MYH11: variants seen among roughly 807,000 people sequenced by gnomAD.
MYH11 encodes myosin heavy chain 11.
MYH11 carries 80 observed loss-of-function variants against 246.6 expected under a neutral mutation model. The observed-to-expected ratio is 0.32, with a 90% CI of 0.27 to 0.39. The LOEUF is 0.39. Among genes scored for constraint, MYH11 ranks in the 10% least tolerant of loss-of-function variants. MYH11 has a pLI of 1.00. For missense variants in MYH11, 2,158 were observed against 2,546.8 expected (o/e 0.85, Z 3.29); for synonymous variants, 1,071 against 1,015.5 (o/e 1.05, Z -1.04).
intron 40 of MYH11, among the ~76,000 whole-genome samples, chr16:15,704,829 G>A (rs1035211231): frequency 1.3e-5 from 2 of 152,210 alleles, no homozygotes; most frequent in South Asian, 2.1e-4. Flanking sequence ...GAAATTATAC[G>A]TGTTAATCCA....
At chr16:15,752,128 T>C (rs2041589488) in intron 15 of MYH11, among the ~76,000 whole-genome samples, 1 of 151,748 alleles carries the variant, frequency 6.6e-6, no homozygotes, top group East Asian at 2.0e-4. Flanking sequence ...GAGAGTCTCA[T>C]CTCTCCCACA....
chr16:15,816,939 C>T (rs765961172), intron 3 of MYH11, among the ~76,000 whole-genome samples: 18 of 152,104 alleles, frequency 1.2e-4, no homozygotes, highest in Admixed American at 2.6e-4. Flanking sequence ...AAAAAGGGAA[C>T]AAGGAATTCC....
chr16:15,841,537 A>G (rs766593697), intron 1 of MYH11, among the ~76,000 whole-genome samples: 2 of 152,224 alleles, frequency 1.3e-5, no homozygotes, highest in Non-Finnish European at 2.9e-5. Context: ...GGGTAACTAA[A>G]TTAAGAAGGG....
intron 24 of MYH11, 112 bp downstream of exon 24, chr16:15,738,453 C>T (rs2041183992): frequency 9.7e-7 from 1 of 1,029,436 alleles, no homozygotes; most frequent in Non-Finnish European, 1.4e-6. Flanking sequence ...TTTCGGGCTG[C>T]AGTGAGCCAT....
chr16:15,739,397 G>A (rs914713177), intron 23 of MYH11, among the ~76,000 whole-genome samples: 1 of 152,204 alleles, frequency 6.6e-6, no homozygotes, highest in Non-Finnish European at 1.5e-5. Flanking sequence ...CACCGCACCC[G>A]GCCTGCCGCA....
At chr16:15,823,533 C>T in intron 2 of MYH11, 122 bp from the exon 3 acceptor site, 1 of 1,193,460 alleles carries the variant, frequency 8.4e-7, no homozygotes, top group Non-Finnish European at 1.2e-6. Flanking sequence ...AGTGGAAACC[C>T]TGGGCCTCAC....
intron 3 of MYH11, among the ~76,000 whole-genome samples, chr16:15,805,156 A>G (rs2042980923): frequency 6.6e-6 from 1 of 152,152 alleles, no homozygotes; most frequent in Non-Finnish European, 1.5e-5. Context: ...ACCGTGGTGC[A>G]TGTTGTACAC....
At chr16:15,853,918 C>CA (rs2044393595) in intron 1 of MYH11, among the ~76,000 whole-genome samples, 1 of 152,122 alleles carries the variant, frequency 6.6e-6, no homozygotes, top group African/African-American at 2.4e-5. Context: ...CAGCTACTCT[C>CA]TACTCAGGAG....
Position 15,756,251 on chromosome 16 carries a change from C to T in MYH11, c.1749+90G>A, listed in dbSNP as rs746771926. 9.9e-5 allele frequency: 143 copies of T among 1,450,020 alleles called. 1 individual carries two copies. Among genetic ancestry groups the T allele is most frequent in the Non-Finnish European group, 1.1e-4 (117 of 1,048,862 alleles). 89.8% of individuals were successfully genotyped at this position (1,450,020 alleles called of 1,614,324 possible). A position where few individuals can be genotyped will look rare whatever the true frequency, so the allele number is the denominator to read the frequency against. On this transcript the variant is annotated intron_variant, in intron 14 of 40. Transcript: ENST00000300036. ...GATGGCTTTGCAGTTTCCAGGCAGC[C>T]CAAGGTTCTGCCACTCTCAGACTGT...
At chr16:15,729,172 G>C (rs553761282) in intron 27 of MYH11, among the ~76,000 whole-genome samples, 261 of 152,116 alleles carry the variant, frequency 1.7e-3, no homozygotes, top group African/African-American at 6.1e-3. Context: ...GGGGACATGG[G>C]CTCCCAGAAA....
intron 9 of MYH11, among the ~76,000 whole-genome samples, chr16:15,767,568 C>T (rs922878656): frequency 7.2e-5 from 11 of 151,888 alleles, no homozygotes; most frequent in Admixed American, 2.0e-4. Context: ...GCTATCCTCC[C>T]GCCTCTGCCT....
intron 4 of MYH11, among the ~76,000 whole-genome samples, chr16:15,787,534 G>A: frequency 7.0e-6 from 1 of 143,780 alleles, no homozygotes; most frequent in Admixed American, 7.2e-5. Context: ...CCAGGCTGGA[G>A]TACAGTGGCA....
chr16:15,748,278 A>G, intron 16 of MYH11, 110 bp from the exon 17 acceptor site: 1 of 1,550,916 alleles, frequency 6.4e-7, no homozygotes. Flanking sequence ...GAGGGTACCA[A>G]CAGAAGCACC....
intron 34 of MYH11, 66 bp downstream of exon 34, chr16:15,720,085 C>T (rs1009443081): frequency 1.6e-4 from 250 of 1,609,054 alleles, no homozygotes; most frequent in Non-Finnish European, 2.0e-4. Context: ...GCTCTGCTGA[C>T]TTCGGTGGCC....
At chr16:15,786,170 C>T (rs1188718403) in intron 5 of MYH11, 1 of 341,796 alleles carries the variant, frequency 2.9e-6, no homozygotes, top group East Asian at 7.5e-5. Flanking sequence ...ACTGTCCCAC[C>T]CCAGGGAACA....
Position 15,750,291 on chromosome 16 carries a change from C to T in MYH11, c.1905G>A (p.Thr635=), listed in dbSNP as rs779037921. The T allele has an allele frequency of 9.9e-6, 16 of 1,613,338 alleles. No individual in the cohort carries two copies. The Middle Eastern group carries it at 5.0e-4, about 50-fold the overall frequency. ...IVGLDQMAKM[T]ESSLPSASKT... ...TGGAGGCGCTGGGCAGCGAGCTCTC[C>T]GTCATCTTGGCCATCTGGTCCAGGC... The change falls in exon 16 of 41, where the codon ACG becomes ACA. Residue 635 remains threonine, a synonymous_variant. Coordinates refer to ENST00000300036, the MANE Select transcript of MYH11 (RefSeq NM_002474.3). The surrounding 1 kb of genome is among the most constrained non-coding windows in gnomAD (Gnocchi z 4.3).
chr16:15,854,911 T>A (rs9925813), intron 1 of MYH11, among the ~76,000 whole-genome samples: 1 of 148,370 alleles, frequency 6.7e-6, no homozygotes, highest in South Asian at 2.1e-4. Flanking sequence ...AAATCTCTTC[T>A]CCTTAGGGTT....
intron 23 of MYH11, among the ~76,000 whole-genome samples, chr16:15,739,849 C>T (rs778203735): frequency 9.2e-5 from 14 of 152,150 alleles, no homozygotes; most frequent in Non-Finnish European, 1.9e-4. Context: ...TCAAGTGATT[C>T]TCCTGCCTCA....
chr16:15,831,469 G>GTGTGTA (rs1304632524), intron 2 of MYH11, among the ~76,000 whole-genome samples: 3 of 150,156 alleles, frequency 2.0e-5, no homozygotes, highest in African/African-American at 7.4e-5. Context: ...TTTGGGGTGT[G>GTGTGTA]TGTGTGTGTG....
Sources: gnomAD v4.1 joint callset for allele counts (sites outside exome capture counted in the v4.1 genomes callset) on GRCh38, gnomAD v4.1.1 for gene constraint, Gnocchi (gnomAD v3.1) non-coding constraint, MANE v1.5 for transcripts, NCBI Gene and HGNC (gene_info 2026-07-23, HGNC 2026-07-21) for gene names.